The following HAPSTR1 variants were observed in gnomAD, a reference collection of about 807,000 sequenced individuals.
HAPSTR1 encodes the protein HUWE1 associated protein modifying stress responses, also known as HUWE1-associated protein modifying stress responses 1.
the HAPSTR1 span, chr16:9,104,604 C>T: frequency 1.3e-5 from 2 of 152,072 alleles, no homozygotes; most frequent in African/African-American, 4.8e-5. Flanking sequence ...TGTTTTTTCC[C>T]TTGATAGTGT....
chr16:9,100,517 T>C, the HAPSTR1 span, among the ~76,000 whole-genome samples: 3 of 152,058 alleles, frequency 2.0e-5, no homozygotes, highest in African/African-American at 4.8e-5. Flanking sequence ...GTTTGCCAGG[T>C]GTATGTTTAC....
the HAPSTR1 span, among the ~76,000 whole-genome samples, chr16:9,101,284 C>T: frequency 6.6e-6 from 1 of 152,206 alleles, no homozygotes. Flanking sequence ...TATTTACATT[C>T]AAAATGGAGT....
the HAPSTR1 span, chr16:9,116,807 A>G: frequency 6.2e-7 from 1 of 1,614,180 alleles, no homozygotes; most frequent in Non-Finnish European, 8.5e-7. Context: ...TATCAGAAGA[A>G]ATGGCACTCC....
the HAPSTR1 span, chr16:9,110,537 A>G: frequency 2.0e-5 from 3 of 152,222 alleles, no homozygotes; most frequent in African/African-American, 2.4e-5. Context: ...ATAGAAAGGA[A>G]GTTACCACAT....
the HAPSTR1 span, among the ~76,000 whole-genome samples, chr16:9,099,451 C>T: frequency 4.4e-3 from 666 of 152,282 alleles, 7 homozygotes; most frequent in African/African-American, 0.015. Context: ...CCTTGACCTC[C>T]CAAAGTGCTG....
the HAPSTR1 span, among the ~76,000 whole-genome samples, chr16:9,095,608 T>C: frequency 6.6e-6 from 1 of 151,960 alleles, no homozygotes; most frequent in Admixed American, 6.6e-5. Flanking sequence ...TAGGTGTTTA[T>C]CTCAATCCTG....
At chr16:9,120,896 C>G in the HAPSTR1 span, 1 of 152,024 alleles carries the variant, frequency 6.6e-6, no homozygotes, top group Non-Finnish European at 1.5e-5. Flanking sequence ...AATCTTGTGA[C>G]AGAATAGTAT....
chr16:9,103,552 G>C, the HAPSTR1 span: 1 of 275,938 alleles, frequency 3.6e-6, no homozygotes, highest in East Asian at 7.6e-5. Context: ...TGTGTTGTAC[G>C]TGTTTTTTTC....
chr16:9,101,803 G>C, the HAPSTR1 span, among the ~76,000 whole-genome samples: 1 of 151,004 alleles, frequency 6.6e-6, no homozygotes, highest in Admixed American at 6.6e-5. Flanking sequence ...CATCCTTTGA[G>C]AGTCTGCTGT....
chr16:9,112,650 G>A, the HAPSTR1 span: 62 of 152,320 alleles, frequency 4.1e-4, no homozygotes, highest in African/African-American at 1.5e-3. Context: ...AATTAATGCT[G>A]CAAACAGGAT....
the HAPSTR1 span, among the ~76,000 whole-genome samples, chr16:9,100,597 A>G: frequency 5.4e-3 from 821 of 151,990 alleles, 8 homozygotes; most frequent in African/African-American, 0.019. Context: ...GAAGTGGCGC[A>G]TTCTTGGCTC....
the HAPSTR1 span, chr16:9,120,698 G>A: frequency 1.7e-4 from 11 of 63,324 alleles, no homozygotes. Context: ...TTTTTTTTGT[G>A]ATGGAGTTTC....
chr16:9,096,623 A>G, the HAPSTR1 span, among the ~76,000 whole-genome samples: 1 of 152,232 alleles, frequency 6.6e-6, no homozygotes, highest in African/African-American at 2.4e-5. Context: ...ATCATATTCT[A>G]CCTGGAGACT....
At chr16:9,095,041 GA>G in the HAPSTR1 span, among the ~76,000 whole-genome samples, 2 of 152,154 alleles carry the variant, frequency 1.3e-5, no homozygotes, top group African/African-American at 4.8e-5. Context: ...ACTTAAGGAG[GA>G]ACATTAATTT....
At chr16:9,091,657 G>C in the HAPSTR1 span, 7 of 398,398 alleles carry the variant, frequency 1.8e-5, no homozygotes, top group African/African-American at 1.2e-4. Flanking sequence ...CAGTCTTGGG[G>C]TGGGCTCCGC....
the HAPSTR1 span, chr16:9,117,168 A>G: frequency 2.1e-6 from 1 of 486,096 alleles, no homozygotes; most frequent in Non-Finnish European, 3.7e-6. Context: ...ATCATAGGCA[A>G]ACATATATCC....
chr16:9,120,466 G>T, the HAPSTR1 span: 1 of 151,220 alleles, frequency 6.6e-6, no homozygotes, highest in Admixed American at 6.6e-5. Flanking sequence ...GATATCCAGG[G>T]TTTTACTTCC....
chr16:9,091,947 C>A, the HAPSTR1 span: 1 of 1,075,718 alleles, frequency 9.3e-7, no homozygotes. Context: ...GGTCGCCAGG[C>A]CCTGCCGCCG....
the HAPSTR1 span, chr16:9,091,706 G>C: frequency 1.3e-5 from 5 of 398,970 alleles, no homozygotes; most frequent in Non-Finnish European, 1.8e-5. Context: ...GGCGATCAGC[G>C]GCGGCGGCGG....
Sources: allele counts gnomAD v4.1 joint callset (sites outside exome capture counted in the v4.1 genomes callset), GRCh38; gene constraint gnomAD v4.1.1; transcripts MANE v1.5; gene names NCBI Gene and HGNC (gene_info 2026-07-23, HGNC 2026-07-21).